The following SP110 variants were observed in gnomAD, a reference collection of about 807,000 sequenced individuals.
SP110 encodes interferon-induced protein 41, 30kD.
A neutral mutation model predicts 92.7 loss-of-function variants in SP110; 62 were observed. That is an observed-to-expected ratio of 0.67 (90% CI 0.55 to 0.83). SP110 has a LOEUF of 0.83. Among genes scored for constraint, SP110 ranks in the 40% least tolerant of loss-of-function variants. The pLI is 0.00. For missense variants in SP110, 793 were observed against 863.9 expected (o/e 0.92, Z 1.03); for synonymous variants, 273 against 305.3 (o/e 0.89, Z 1.10).
intron 2 of SP110, 65 bp from the exon 3 acceptor site, chr2:230,215,183 T>C (rs2148940798): frequency 7.4e-7 from 1 of 1,343,736 alleles, no homozygotes. Flanking sequence ...TATACATTTA[T>C]GGTTTTCTAA....
chr2:230,196,068 T>C (rs1304967874), intron 10 of SP110, among the ~76,000 whole-genome samples: 1 of 152,204 alleles, frequency 6.6e-6, no homozygotes, highest in Non-Finnish European at 1.5e-5. Context: ...AAAGTTTTAT[T>C]ACATCCAGCA....
At position 230,211,400 on chromosome 2, in the gene SP110, C is replaced by T. The variant is rs1322929472; in HGVS notation, c.751+70G>A. ...GAGGAGAGCCCCCTCTCTAGAAGATCCGAATGGCTTTTCCTCTTAGTAAAC... is the reference window on the plus strand; with the variant it reads ...GAGGAGAGCCCCCTCTCTAGAAGATTCGAATGGCTTTTCCTCTTAGTAAAC... On this transcript the variant is annotated intron_variant, in intron 6 of 18. Coordinates refer to ENST00000258381, the MANE Select transcript of SP110 (RefSeq NM_080424.4). This position sits in a 1 kb window ranked among gnomAD's most constrained non-coding sequence, Gnocchi z 4.2. 1.0e-6 allele frequency: 1 copy of T among 985,480 alleles called. No individual in the cohort carries two copies. The highest frequency in any genetic ancestry group is 2.4e-5 in the East Asian group (1 of 41,980). The allele number at this position is 985,480 out of a possible 1,614,324, so 61.0% of individuals were successfully genotyped here. A position where few individuals can be genotyped will look rare whatever the true frequency, so the allele number is the denominator to read the frequency against.
chr2:230,194,671 T>G (rs2042782475), intron 10 of SP110, among the ~76,000 whole-genome samples: 1 of 152,194 alleles, frequency 6.6e-6, no homozygotes, highest in African/African-American at 2.4e-5. Context: ...GAACACTCTA[T>G]GACTCCAAAT....
intron 4 of SP110, 54 bp from the exon 5 acceptor site, chr2:230,212,484 AG>A: frequency 7.2e-7 from 1 of 1,390,918 alleles, no homozygotes; most frequent in Non-Finnish European, 1.0e-6. Flanking sequence ...GTCAGGGAGA[AG>A]AGTGAATGTT....
chr2:230,185,791 G>A (rs2042327979), intron 11 of SP110, among the ~76,000 whole-genome samples: 1 of 152,148 alleles, frequency 6.6e-6, no homozygotes, highest in South Asian at 2.1e-4. Flanking sequence ...ACATGGCAAA[G>A]CCAAGGTGAA....
At chr2:230,175,362 G>A (rs542089790) in intron 14 of SP110, among the ~76,000 whole-genome samples, 190 of 150,090 alleles carry the variant, frequency 1.3e-3, no homozygotes, top group Admixed American at 3.0e-3. Flanking sequence ...TATATCAAAG[G>A]TCTAATATTC....
upstream of SP110, among the ~76,000 whole-genome samples, chr2:230,223,743 C>T (rs2046005844): frequency 6.6e-6 from 1 of 152,226 alleles, no homozygotes; most frequent in African/African-American, 2.4e-5. Flanking sequence ...AATTAAATTA[C>T]AGCACTGGAT....
intron 10 of SP110, among the ~76,000 whole-genome samples, chr2:230,195,746 A>G (rs994202284): frequency 6.6e-6 from 1 of 152,246 alleles, no homozygotes; most frequent in East Asian, 1.9e-4. Flanking sequence ...TATGAGATAA[A>G]CAGATTTGAA....
At chr2:230,200,728 T>C (rs914437256) in intron 10 of SP110, 157 bp downstream of exon 10, 9 of 673,342 alleles carry the variant, frequency 1.3e-5, no homozygotes, top group South Asian at 1.3e-4. Context: ...GTAAATATCA[T>C]GGGAAGGGTC....
intron 1 of SP110, chr2:230,225,388 C>G (rs1476219170): frequency 3.9e-6 from 1 of 253,906 alleles, no homozygotes; most frequent in East Asian, 1.2e-4. Flanking sequence ...CCTAAGCCAT[C>G]CAGCCCAGGC....
At chr2:230,223,932 T>G (rs2046026995), upstream of SP110, among the ~76,000 whole-genome samples, 1 of 152,194 alleles carries the variant, frequency 6.6e-6, no homozygotes, top group Non-Finnish European at 1.5e-5. Context: ...GGCCGGAGCC[T>G]TCTGACTCCA....
At chr2:230,207,725 T>G (rs2044024811) in intron 8 of SP110, among the ~76,000 whole-genome samples, 1 of 152,206 alleles carries the variant, frequency 6.6e-6, no homozygotes, top group African/African-American at 2.4e-5. Context: ...CTTCTCTGCA[T>G]CTCCACTGTC....
At chr2:230,170,102 A>G (rs1207632940) in intron 18 of SP110, among the ~76,000 whole-genome samples, 1 of 152,228 alleles carries the variant, frequency 6.6e-6, no homozygotes, top group African/African-American at 2.4e-5. Flanking sequence ...GGATTGCAGG[A>G]TAGCTCAACC....
chr2:230,174,523 T>A (rs777693605), intron 14 of SP110, among the ~76,000 whole-genome samples: 2 of 152,128 alleles, frequency 1.3e-5, no homozygotes, highest in Admixed American at 1.3e-4. Flanking sequence ...GGACCACCCA[T>A]GATGGCCATG....
At chr2:230,200,747 GA>G (rs201134486) in intron 10 of SP110, 137 bp downstream of exon 10, 31 of 709,094 alleles carry the variant, frequency 4.4e-5, no homozygotes, top group African/African-American at 1.1e-4. Context: ...TCTTGATTAA[GA>G]AAAAAAAATC....
At chr2:230,223,002 T>C (rs1160220657), upstream of SP110, among the ~76,000 whole-genome samples, 1 of 151,864 alleles carries the variant, frequency 6.6e-6, no homozygotes, top group Non-Finnish European at 1.5e-5. Context: ...ATCCTGCTCA[T>C]CCTGTCTGAT....
intron 15 of SP110, 91 bp downstream of exon 15, chr2:230,172,753 G>C: frequency 1.2e-6 from 1 of 844,636 alleles, no homozygotes; most frequent in Non-Finnish European, 2.0e-6. Context: ...ACTGCTCTGC[G>C]TCACACCCTC....
In SP110 at chr2:230,169,158, TC is replaced by T; in HGVS notation, c.2107del (p.Glu703LysfsTer16). ...AGTCCAGAAACCGCCGTCATTGGCT[TC>T]ATGAAAACCGAGCACGTCTTTGAGA... ...KDLKDVLGFH[E>X]ANDGGFWTLP On this transcript the variant is annotated frameshift_variant, in exon 19 of 19. Transcript: ENST00000258381. LOFTEE classifies it low-confidence loss of function (END_TRUNC). The T allele has an allele frequency of 6.2e-7, 1 of 1,613,816 alleles. No individual in the cohort carries two copies. The highest frequency in any genetic ancestry group is 8.5e-7 in the Non-Finnish European group (1 of 1,179,774).
Position 230,178,271 on chromosome 2 carries a change from A to G in SP110, c.1349-16T>C. On this transcript the variant is annotated splice_polypyrimidine_tract_variant and intron_variant, in intron 12 of 18. Coordinates refer to ENST00000258381, the MANE Select transcript of SP110 (RefSeq NM_080424.4). ...TTGGGTTTTCCTTAAAGTAGAAGAG[A>G]ACAGTTTTGTGTTATTCAGTCTTCA... 6.7e-7 allele frequency: 1 copy of G among 1,495,246 alleles called. No homozygotes were observed. The highest frequency in any genetic ancestry group is 9.3e-7 in the Non-Finnish European group (1 of 1,074,408). The allele number at this position is 1,495,246 out of a possible 1,614,324, so 92.6% of individuals were successfully genotyped here. A position where few individuals can be genotyped will look rare whatever the true frequency, so the allele number is the denominator to read the frequency against.
Sources: gnomAD v4.1 joint callset for allele counts (sites outside exome capture counted in the v4.1 genomes callset) on GRCh38, gnomAD v4.1.1 for gene constraint, Gnocchi (gnomAD v3.1) non-coding constraint, MANE v1.5 for transcripts, NCBI Gene and HGNC (gene_info 2026-07-23, HGNC 2026-07-21) for gene names.